PRKN: variants seen among roughly 807,000 people sequenced by gnomAD.
PRKN encodes parkin RBR E3 ubiquitin protein ligase, also known as E3 ubiquitin-protein ligase parkin.
A neutral mutation model predicts 59.5 loss-of-function variants in PRKN; 56 were observed. That is an observed-to-expected ratio of 0.94 (90% CI 0.76 to 1.18). The LOEUF (loss-of-function observed/expected upper bound fraction) is 1.18. Among genes scored for constraint, PRKN ranks in the 50% most tolerant of loss-of-function variants. The probability of loss-of-function intolerance (pLI) is 0.00; values close to 1 mark genes in which losing one functional copy is unlikely to be tolerated. For missense variants in PRKN, 657 were observed against 596.4 expected (o/e 1.10, Z -1.06); for synonymous variants, 250 against 222.1 (o/e 1.13, Z -1.12).
intron 7 of PRKN, among the ~76,000 whole-genome samples, chr6:161,754,290 G>A (rs1160134748): frequency 3.3e-5 from 5 of 152,060 alleles, no homozygotes; most frequent in African/African-American, 1.2e-4. Context: ...AGTGTGGGCT[G>A]AGAGGACACC....
At chr6:161,898,021 C>T (rs1777723736) in intron 6 of PRKN, among the ~76,000 whole-genome samples, 1 of 148,726 alleles carries the variant, frequency 6.7e-6, no homozygotes, top group Admixed American at 6.7e-5. Flanking sequence ...TTCTCATCTG[C>T]TACATCTTCA....
At chr6:161,570,168 T>TGC (rs1583241387) in intron 7 of PRKN, among the ~76,000 whole-genome samples, 1 of 134,122 alleles carries the variant, frequency 7.5e-6, no homozygotes, top group South Asian at 2.3e-4. Flanking sequence ...TATATATATA[T>TGC]GCACACATAC....
At chr6:161,867,743 T>TTATTTATTTA (rs1309052481) in intron 6 of PRKN, among the ~76,000 whole-genome samples, 1 of 141,078 alleles carries the variant, frequency 7.1e-6, no homozygotes, top group African/African-American at 3.0e-5. Flanking sequence ...AATCTTTCAT[T>TTATTTATTTA]TATTTATTTA....
chr6:161,753,603 T>TG (rs1489356195), intron 7 of PRKN, among the ~76,000 whole-genome samples: 2 of 152,230 alleles, frequency 1.3e-5, no homozygotes, highest in African/African-American at 4.8e-5. Flanking sequence ...AGAGCATGTT[T>TG]GTAGGATGTA....
chr6:161,803,550 A>G (rs1324146031), intron 6 of PRKN, among the ~76,000 whole-genome samples: 2 of 152,160 alleles, frequency 1.3e-5, no homozygotes, highest in Non-Finnish European at 2.9e-5. Context: ...AAACATCCAC[A>G]TTCACTGCCC....
Position 162,570,059 on chromosome 6 carries a change from G to C in PRKN, c.8-126586C>G, listed in dbSNP as rs563710174. On this transcript the variant is annotated intron_variant, in intron 1 of 11. Transcript: ENST00000366898. Reference sequence around the variant, plus strand: ...GAACATATTTGCAAACCCTGCCAGGGGATTAATAATCAGAATATACAAGGA... The same window carrying C: ...GAACATATTTGCAAACCCTGCCAGGCGATTAATAATCAGAATATACAAGGA... Among the ~76,000 whole-genome samples, 71 of 152,040 alleles carry C rather than the reference G, an allele frequency of 4.7e-4. 1 individual carries two copies. The highest frequency in any genetic ancestry group is 6.8e-3 in the Middle Eastern group (2 of 294).
chr6:162,195,456 T>C (rs981611247), intron 4 of PRKN, among the ~76,000 whole-genome samples: 7 of 152,196 alleles, frequency 4.6e-5, no homozygotes, highest in Non-Finnish European at 7.3e-5. Flanking sequence ...ATATTAAGCT[T>C]AGGAATGATT....
chr6:162,304,679 C>T (rs1216421606), intron 2 of PRKN, among the ~76,000 whole-genome samples: 1 of 150,760 alleles, frequency 6.6e-6, no homozygotes, highest in Non-Finnish European at 1.5e-5. Flanking sequence ...TGGCTTTTCA[C>T]ACAAATGGGG....
At chr6:162,305,873 C>T (rs1267675657) in intron 2 of PRKN, among the ~76,000 whole-genome samples, 3 of 151,948 alleles carry the variant, frequency 2.0e-5, no homozygotes, top group African/African-American at 7.2e-5. Context: ...GTATCTATAT[C>T]TGTTTTAGAT....
At chr6:162,384,952 T>A (rs1250813544) in intron 2 of PRKN, among the ~76,000 whole-genome samples, 2 of 152,172 alleles carry the variant, frequency 1.3e-5, no homozygotes, top group Non-Finnish European at 2.9e-5. Context: ...TTTGTTGCTC[T>A]GTGTCCCACT....
At chr6:161,619,057 C>T (rs1782795862) in intron 7 of PRKN, among the ~76,000 whole-genome samples, 1 of 152,058 alleles carries the variant, frequency 6.6e-6, no homozygotes, top group Admixed American at 6.5e-5. Flanking sequence ...ACAGAAAGTC[C>T]TGGCAGAGCC....
At chr6:161,939,805 T>C (rs1347183128) in intron 6 of PRKN, among the ~76,000 whole-genome samples, 1 of 152,168 alleles carries the variant, frequency 6.6e-6, no homozygotes, top group Non-Finnish European at 1.5e-5. Context: ...TAACATGGTT[T>C]ATATTTTAGA....
intron 1 of PRKN, among the ~76,000 whole-genome samples, chr6:162,457,369 T>TC (rs1790928398): frequency 6.6e-6 from 1 of 152,106 alleles, no homozygotes; most frequent in East Asian, 1.9e-4. Context: ...AGTTTTAATA[T>TC]CCCCCAAAAA....
chr6:162,011,446 TAATATATAA>T lies in PRKN; in HGVS notation c.619-38038_619-38030del, dbSNP rs1405586401. On this transcript the variant is annotated intron_variant, in intron 5 of 11. Transcript: ENST00000366898. ...TTATAATATATATGTTATATATTTA[TAATATATAA>T]TATATATATTATAATATATAATATA... Among the ~76,000 whole-genome samples the T allele has an allele frequency of 1.1e-3, 11 of 10,362 alleles. 3 individuals carry two copies. Among genetic ancestry groups the T allele is most frequent in the Admixed American group, 2.4e-3 (1 of 420 alleles). The allele number at this position is 10,362 out of a possible 152,430, so 6.8% of individuals were successfully genotyped here.
intron 6 of PRKN, among the ~76,000 whole-genome samples, chr6:161,818,766 T>G (rs576297558): frequency 4.6e-5 from 7 of 152,064 alleles, no homozygotes; most frequent in African/African-American, 1.2e-4. Context: ...AGGCAAGAGA[T>G]CTCCAACAAC....
At chr6:161,762,103 T>C (rs1325665591) in intron 7 of PRKN, among the ~76,000 whole-genome samples, 1 of 152,128 alleles carries the variant, frequency 6.6e-6, no homozygotes, top group Non-Finnish European at 1.5e-5. Context: ...CATGAAGTCG[T>C]GCTCTGGGAG....
intron 1 of PRKN, among the ~76,000 whole-genome samples, chr6:162,518,108 T>A (rs1388003141): frequency 6.6e-6 from 1 of 152,176 alleles, no homozygotes; most frequent in African/African-American, 2.4e-5. Flanking sequence ...AACAGACTAT[T>A]CATTAGTTTG....
intron 4 of PRKN, among the ~76,000 whole-genome samples, chr6:162,096,859 T>A (rs1441415879): frequency 5.6e-5 from 7 of 125,280 alleles, no homozygotes; most frequent in African/African-American, 2.3e-4. Flanking sequence ...TTTTTTTTTT[T>A]TTTTTTTTTT....
intron 7 of PRKN, among the ~76,000 whole-genome samples, chr6:161,728,481 C>T (rs562781891): frequency 3.2e-4 from 48 of 152,262 alleles, no homozygotes; most frequent in Non-Finnish European, 5.7e-4. Flanking sequence ...GGCTTGTCAC[C>T]GCCCCCCACC....
Sources: allele counts gnomAD v4.1 joint callset (sites outside exome capture counted in the v4.1 genomes callset), GRCh38; gene constraint gnomAD v4.1.1; transcripts MANE v1.5; gene names NCBI Gene and HGNC (gene_info 2026-07-23, HGNC 2026-07-21).